DNAH14: variants seen among roughly 807,000 people sequenced by gnomAD.
DNAH14 encodes dynein axonemal heavy chain 14, also known as axonemal beta dynein heavy chain 14.
In DNAH14, 478 loss-of-function variants were observed where a neutral mutation model predicts 520.9. The ratio of observed to expected loss-of-function variants is 0.92; its 90% CI spans 0.85 to 0.99. The LOEUF (loss-of-function observed/expected upper bound fraction) is 0.99. Among genes scored for constraint, DNAH14 ranks in the 50% least tolerant of loss-of-function variants. The pLI is 0.00. For synonymous variants in DNAH14, 1,581 were observed against 1,757.2 expected (o/e 0.90, Z 2.51); for missense variants, 4,831 against 5,234.5 (o/e 0.92, Z 2.38).
chr1:225,172,312 G>A (rs1385897612), intron 36 of DNAH14, among the ~76,000 whole-genome samples: 1 of 152,152 alleles, frequency 6.6e-6, no homozygotes, highest in African/African-American at 2.4e-5. Context: ...AGGAAAAGAG[G>A]AAGTCAAATT....
chr1:225,221,127 T>C (rs2090014541), intron 41 of DNAH14, among the ~76,000 whole-genome samples: 3 of 152,180 alleles, frequency 2.0e-5, no homozygotes, highest in African/African-American at 7.2e-5. Context: ...ACTGGACCCA[T>C]ACCTTACACC....
At chr1:224,934,170 A>G (rs931078132) in intron 1 of DNAH14, among the ~76,000 whole-genome samples, 3 of 149,644 alleles carry the variant, frequency 2.0e-5, no homozygotes, top group Non-Finnish European at 4.4e-5. Context: ...GTAAACCTCC[A>G]TCAGTAGATC....
chr1:225,137,986 C>T (rs2079106295), intron 27 of DNAH14, among the ~76,000 whole-genome samples: 3 of 152,260 alleles, frequency 2.0e-5, no homozygotes, highest in South Asian at 4.1e-4. Flanking sequence ...GTGAGTCGGG[C>T]CCCAGTTAAA....
chr1:225,186,008 A>C (rs1005211538), intron 37 of DNAH14, among the ~76,000 whole-genome samples: 5 of 111,440 alleles, frequency 4.5e-5, no homozygotes, highest in Non-Finnish European at 7.5e-5. Flanking sequence ...TATTTTTTAA[A>C]TCTTTTAACT....
intron 69 of DNAH14, among the ~76,000 whole-genome samples, chr1:225,344,660 A>T (rs6664225): frequency 0.6 from 90,603 of 151,822 alleles, 28,150 homozygotes; most frequent in East Asian, 0.76. Context: ...TACATGCCTT[A>T]GCTATTGTGA....
chr1:225,046,846 C>T (rs2068006248), intron 15 of DNAH14, among the ~76,000 whole-genome samples: 1 of 152,104 alleles, frequency 6.6e-6, no homozygotes, highest in Non-Finnish European at 1.5e-5. Flanking sequence ...GTTGTTCTGG[C>T]TTAATTTTGG....
In DNAH14 at chr1:225,335,506, C is replaced by T. The variant is rs28971064; in HGVS notation, c.10081-1760C>T. Among the ~76,000 whole-genome samples the T allele has an allele frequency of 9.5e-4, 46 of 48,182 alleles. 2 individuals carry two copies. Among genetic ancestry groups the T allele is most frequent in the African/African-American group, 4.7e-3 (31 of 6,548 alleles). 31.6% of individuals were successfully genotyped at this position (48,182 alleles called of 152,430 possible). A position where few individuals can be genotyped will look rare whatever the true frequency, so the allele number is the denominator to read the frequency against. On this transcript the variant is annotated intron_variant, in intron 66 of 85. Coordinates refer to ENST00000682510, the MANE Select transcript of DNAH14 (RefSeq NM_001367479.1). Reference sequence around the variant, plus strand: ...ACATATACACGTGTGTACATGTACACATATACATATGTACATATATACATA... The same window carrying T: ...ACATATACACGTGTGTACATGTACATATATACATATGTACATATATACATA...
At chr1:225,010,342 A>C (rs949171473) in intron 10 of DNAH14, among the ~76,000 whole-genome samples, 1 of 152,172 alleles carries the variant, frequency 6.6e-6, no homozygotes, top group Non-Finnish European at 1.5e-5. Flanking sequence ...TTCTGCATCT[A>C]TTGAGATAAT....
chr1:225,056,943 A>G (rs1267465976), intron 17 of DNAH14, among the ~76,000 whole-genome samples: 5 of 152,150 alleles, frequency 3.3e-5, no homozygotes, highest in African/African-American at 1.2e-4. Context: ...GCCTTGTAGT[A>G]TAGTTTGAAG....
At chr1:225,291,439 C>T (rs954621429) in intron 55 of DNAH14, among the ~76,000 whole-genome samples, 8 of 151,976 alleles carry the variant, frequency 5.3e-5, no homozygotes, top group Non-Finnish European at 7.4e-5. Context: ...TGTTTTGAGA[C>T]AGAGTATTCC....
chr1:225,342,718 ACATTCT>A (rs1259090469), intron 69 of DNAH14, among the ~76,000 whole-genome samples: 2 of 112,406 alleles, frequency 1.8e-5, no homozygotes, highest in Non-Finnish European at 3.6e-5. Flanking sequence ...ACACACACAC[ACATTCT>A]ATTTATCAAT....
chr1:225,083,317 A>AAC (rs5781395), intron 20 of DNAH14, among the ~76,000 whole-genome samples: 120,789 of 151,568 alleles, frequency 0.8, 51,491 homozygotes, highest in Non-Finnish European at 0.96. Flanking sequence ...ATGTAATCAA[A>AAC]ACATATTTTA....
At chr1:224,965,027 C>T (rs763843520) in intron 5 of DNAH14, among the ~76,000 whole-genome samples, 6 of 152,056 alleles carry the variant, frequency 3.9e-5, no homozygotes, top group South Asian at 2.1e-4. Flanking sequence ...TTTTCTATCT[C>T]GTCTGGTCTG....
At chr1:225,059,605 C>T (rs1490634436) in intron 17 of DNAH14, among the ~76,000 whole-genome samples, 5 of 152,232 alleles carry the variant, frequency 3.3e-5, no homozygotes, top group Non-Finnish European at 5.9e-5. Flanking sequence ...TTAGTTGATG[C>T]AGTTTCTTCC....
At chr1:224,999,765 T>C (rs1021346045) in intron 8 of DNAH14, among the ~76,000 whole-genome samples, 2 of 152,036 alleles carry the variant, frequency 1.3e-5, no homozygotes, top group African/African-American at 4.8e-5. Context: ...TAGTATAAGA[T>C]TATATATATA....
chr1:225,336,358 A>G (rs11580348), intron 66 of DNAH14, among the ~76,000 whole-genome samples: 36,272 of 151,968 alleles, frequency 0.24, 4,552 homozygotes, highest in East Asian at 0.35. Context: ...TTAAGGCATA[A>G]AAGGATTACT....
intron 41 of DNAH14, among the ~76,000 whole-genome samples, chr1:225,209,760 G>A (rs749758821): frequency 5.3e-5 from 8 of 152,062 alleles, no homozygotes; most frequent in Non-Finnish European, 8.8e-5. Context: ...CGAGATCAAC[G>A]CAGAAGGTGG....
Position 225,008,010 on chromosome 1 carries a change from G to A in DNAH14, c.1107+466G>A, listed in dbSNP as rs994944779. 3.3e-5 allele frequency among the ~76,000 whole-genome samples: 5 copies of A among 151,088 alleles called. No individual in the cohort carries two copies. In the East Asian group the frequency reaches 9.7e-4, roughly 29 times the overall value. Reference sequence around the variant, plus strand: ...TACATGGGTATACATGTGCTATGGTGGTTTGCTGCACCCATCAACCCATCA... The same window carrying A: ...TACATGGGTATACATGTGCTATGGTAGTTTGCTGCACCCATCAACCCATCA... On this transcript the variant is annotated intron_variant, in intron 10 of 85. Transcript: ENST00000682510.
rs761730068 is a variant in DNAH14 at position 225,043,779 on chromosome 1, A to T, written c.1804A>T (p.Met602Leu). Residue 602 changes from methionine to leucine, a missense_variant, in exon 14 of 86, where the codon ATG becomes TTG. Coordinates refer to ENST00000682510, the MANE Select transcript of DNAH14 (RefSeq NM_001367479.1). ...EIETEFENKY[M>L]YYEFPEFPTN... is the part of the protein sequence containing the mutation. ...TGAGACTGAGTTTGAGAATAAATACATGTATTATGAGTAAGTATTAGACAT... is the reference window on the plus strand; with the variant it reads ...TGAGACTGAGTTTGAGAATAAATACTTGTATTATGAGTAAGTATTAGACAT... The T allele has an allele frequency of 3.6e-5, 53 of 1,465,934 alleles. No individual in the cohort carries two copies. Among genetic ancestry groups the T allele is most frequent in the Admixed American group, 2.0e-5 (1 of 49,352 alleles). The allele number at this position is 1,465,934 out of a possible 1,614,324, so 90.8% of individuals were successfully genotyped here.
Sources: allele counts gnomAD v4.1 joint callset (sites outside exome capture counted in the v4.1 genomes callset), GRCh38; gene constraint gnomAD v4.1.1; transcripts MANE v1.5; gene names NCBI Gene and HGNC (gene_info 2026-07-23, HGNC 2026-07-21).